Variants in CEP128 observed in about 807,000 individuals in gnomAD.
The protein encoded by CEP128 is centrosomal protein 128.
A neutral mutation model predicts 156.7 loss-of-function variants in CEP128; 132 were observed. The observed-to-expected ratio is 0.84, with a 90% CI of 0.73 to 0.97. The LOEUF is 0.97. Ranked by LOEUF, CEP128 falls within the 50% of genes least tolerant of loss-of-function variation. The probability of loss-of-function intolerance (pLI) is 0.00; values close to 1 mark genes in which losing one functional copy is unlikely to be tolerated. For synonymous variants in CEP128, 469 were observed against 448.9 expected (o/e 1.04, Z -0.57); for missense variants, 1,252 against 1,281.9 (o/e 0.98, Z 0.36).
chr14:80,843,010 T>C (rs17094159), intron 9 of CEP128, among the ~76,000 whole-genome samples: 18,497 of 151,758 alleles, frequency 0.12, 1,587 homozygotes, highest in East Asian at 0.45. Context: ...TCCTTAGAGG[T>C]AGGTGATTCT....
chr14:80,942,942 T>G (rs913284254), upstream of CEP128, among the ~76,000 whole-genome samples: 1 of 152,214 alleles, frequency 6.6e-6, no homozygotes, highest in East Asian at 1.9e-4. Context: ...CTATCTCATA[T>G]TGGTTTGAAC....
intron 9 of CEP128, among the ~76,000 whole-genome samples, chr14:80,856,647 G>T (rs1887175058): frequency 6.7e-6 from 1 of 150,254 alleles, no homozygotes; most frequent in Non-Finnish European, 1.5e-5. Flanking sequence ...TCATAAAAGT[G>T]CTCTGGAGTG....
At chr14:80,624,630 G>A (rs1893631264) in intron 19 of CEP128, among the ~76,000 whole-genome samples, 1 of 152,048 alleles carries the variant, frequency 6.6e-6, no homozygotes, top group Non-Finnish European at 1.5e-5. Flanking sequence ...TAACTGGGAT[G>A]AGATATTTCA....
chr14:80,652,258 A>G (rs2140855785), intron 19 of CEP128, among the ~76,000 whole-genome samples: 1 of 152,288 alleles, frequency 6.6e-6, no homozygotes, highest in South Asian at 2.1e-4. Flanking sequence ...AAACCTAGGC[A>G]ATACCATTCA....
chr14:80,543,564 A>G (rs984462871), intron 21 of CEP128, among the ~76,000 whole-genome samples: 4 of 152,242 alleles, frequency 2.6e-5, no homozygotes, highest in African/African-American at 9.6e-5. Flanking sequence ...CTGATGCTGA[A>G]TCTTCAACCA....
chr14:80,539,816 G>A lies in CEP128; in HGVS notation c.2881-8930C>T, dbSNP rs573172137. ...CAAGGAATATTAATATTAATACCTC[G>A]GGGAAGGAATGCATTCCTGGGGGGA... On this transcript the variant is annotated intron_variant, in intron 21 of 24. Transcript: ENST00000555265. Among the ~76,000 whole-genome samples, 10 of 152,134 alleles carry A rather than the reference G, an allele frequency of 6.6e-5. No individual in the cohort carries two copies. In the South Asian group the frequency reaches 1.0e-3, roughly 16 times the overall value.
intron 19 of CEP128, among the ~76,000 whole-genome samples, chr14:80,697,889 G>A (rs1036403561): frequency 6.6e-6 from 1 of 151,732 alleles, no homozygotes; most frequent in African/African-American, 2.4e-5. Flanking sequence ...ATATATATGT[G>A]TGTATATGCA....
chr14:80,804,038 T>G (rs1884030460), intron 13 of CEP128, among the ~76,000 whole-genome samples: 2 of 152,222 alleles, frequency 1.3e-5, no homozygotes, highest in East Asian at 1.9e-4. Context: ...CTTTTTAGTA[T>G]ACTAGAATAA....
At chr14:80,602,432 A>G (rs915769900) in intron 19 of CEP128, among the ~76,000 whole-genome samples, 2 of 152,206 alleles carry the variant, frequency 1.3e-5, no homozygotes, top group Non-Finnish European at 2.9e-5. Context: ...AAAGGCATAC[A>G]TTCTCCAAGA....
At chr14:80,860,397 T>C (rs774885906) in intron 9 of CEP128, among the ~76,000 whole-genome samples, 2 of 152,162 alleles carry the variant, frequency 1.3e-5, no homozygotes, top group African/African-American at 4.8e-5. Context: ...AATTGACAAT[T>C]TCAATGGAAA....
chr14:80,607,170 T>A (rs1719340984), intron 19 of CEP128, among the ~76,000 whole-genome samples: 1 of 152,000 alleles, frequency 6.6e-6, no homozygotes, highest in Admixed American at 6.6e-5. Flanking sequence ...TATGTACATA[T>A]TTACGTAAAT....
chr14:80,808,311 G>A (rs1358222042), intron 13 of CEP128, among the ~76,000 whole-genome samples: 1 of 152,228 alleles, frequency 6.6e-6, no homozygotes, highest in Admixed American at 6.5e-5. Context: ...GCCCAGGCTT[G>A]TGTAAGGTCA....
rs1896342634 is a variant in CEP128, at chr14:80,681,985, G to A, written c.2806+61090C>T. 2.6e-5 allele frequency among the ~76,000 whole-genome samples: 4 copies of A among 152,142 alleles called. No homozygotes were observed. In the South Asian group the frequency reaches 8.3e-4, roughly 32 times the overall value. ...AAGCCAGGCAGGGTGGTGCACACCTGCAGTCCTAGCTACTCAGGAGGCTTA... is the reference window on the plus strand; with the variant it reads ...AAGCCAGGCAGGGTGGTGCACACCTACAGTCCTAGCTACTCAGGAGGCTTA... On this transcript the variant is annotated intron_variant, in intron 19 of 24. Transcript: ENST00000555265.
chr14:80,591,150 C>T (rs1892045625), intron 19 of CEP128, among the ~76,000 whole-genome samples: 1 of 152,122 alleles, frequency 6.6e-6, no homozygotes, highest in Non-Finnish European at 1.5e-5. Flanking sequence ...CAAATTCACA[C>T]ATAACAATAT....
chr14:80,740,498 A>ATAGG (rs1898765015), intron 19 of CEP128, among the ~76,000 whole-genome samples: 1 of 45,504 alleles, frequency 2.2e-5, no homozygotes, highest in Non-Finnish European at 4.9e-5. Context: ...TTATATCTAG[A>ATAGG]TAGATAGATA....
chr14:80,592,639 A>G (rs1259446956), intron 19 of CEP128, among the ~76,000 whole-genome samples: 1 of 152,238 alleles, frequency 6.6e-6, no homozygotes, highest in African/African-American at 2.4e-5. Context: ...ATCCTCCGTA[A>G]CTTATTTTAT....
At chr14:80,941,020 A>C (rs1886122308) in intron 1 of CEP128, among the ~76,000 whole-genome samples, 1 of 152,246 alleles carries the variant, frequency 6.6e-6, no homozygotes, top group Non-Finnish European at 1.5e-5. Context: ...CCAATAAAAG[A>C]TGCAGCTGGG....
intron 16 of CEP128, among the ~76,000 whole-genome samples, chr14:80,769,216 T>G (rs1283054365): frequency 6.6e-6 from 1 of 151,194 alleles, no homozygotes; most frequent in Non-Finnish European, 1.5e-5. Flanking sequence ...GTGTCTTTAA[T>G]AACCATCAAG....
Position 80,862,778 on chromosome 14 carries a change from G to A in CEP128, c.741C>T (p.Leu247=). Residue 247 remains leucine (L), a synonymous_variant, in exon 9 of 25, where the codon CTC becomes CTT. Transcript: ENST00000555265. ...LVERRQDQLG[L]MSLQLQEALK... ...AAACCTCCTGTAGCTGCAGGGACAT[G>A]AGTCCCAGTTGATCCTGGCGTCTTT... 1 of 1,607,260 alleles carries A rather than the reference G, an allele frequency of 6.2e-7. No homozygotes were observed. Among genetic ancestry groups the A allele is most frequent in the Non-Finnish European group, 8.5e-7 (1 of 1,173,746 alleles).
Sources: allele counts gnomAD v4.1 joint callset (sites outside exome capture counted in the v4.1 genomes callset), GRCh38; gene constraint gnomAD v4.1.1; transcripts MANE v1.5; gene names NCBI Gene and HGNC (gene_info 2026-07-23, HGNC 2026-07-21).